Variants in CNTNAP5 observed in about 807,000 individuals in gnomAD.
CNTNAP5 encodes contactin-associated protein-like 5.
Under a neutral mutation model 150.2 loss-of-function variants are expected in CNTNAP5, and 72 were observed. That is an observed-to-expected ratio of 0.48 (90% CI 0.40 to 0.58). The LOEUF (loss-of-function observed/expected upper bound fraction) is 0.58, where lower values mean the gene tolerates loss of function less well. CNTNAP5 is among the 20% of genes least tolerant of loss of function. The pLI is 0.00. For missense variants in CNTNAP5, 1,636 were observed against 1,626.2 expected (o/e 1.01, Z -0.10); for synonymous variants, 672 against 619.8 (o/e 1.08, Z -1.25).
At chr2:124,513,995 A>G (rs1694651068) in intron 8 of CNTNAP5, among the ~76,000 whole-genome samples, 1 of 152,208 alleles carries the variant, frequency 6.6e-6, no homozygotes. Flanking sequence ...TTAAGTTGTC[A>G]TTAATGCCTC....
At chr2:124,707,039 A>AAGAAGAAGAAGGAGG (rs1553433616) in intron 13 of CNTNAP5, among the ~76,000 whole-genome samples, 3 of 82,010 alleles carry the variant, frequency 3.7e-5, no homozygotes, top group Non-Finnish European at 7.6e-5. Flanking sequence ...GAAGAAGAAG[A>AAGAAGAAGAAGGAGG]AGGAGGAGGA....
At chr2:124,539,903 C>T (rs1251956468) in intron 10 of CNTNAP5, among the ~76,000 whole-genome samples, 2 of 152,150 alleles carry the variant, frequency 1.3e-5, no homozygotes, top group African/African-American at 4.8e-5. Flanking sequence ...GGTTTAGCTT[C>T]ATCTTAAAAA....
intron 13 of CNTNAP5, among the ~76,000 whole-genome samples, chr2:124,659,372 A>G (rs1482094853): frequency 6.6e-6 from 1 of 152,164 alleles, no homozygotes; most frequent in East Asian, 1.9e-4. Context: ...GAAGCTTCCT[A>G]AAACTGGTAA....
At chr2:124,707,194 A>AGAAGAAGAG (rs1679706946) in intron 13 of CNTNAP5, among the ~76,000 whole-genome samples, 2 of 146,542 alleles carry the variant, frequency 1.4e-5, no homozygotes, top group African/African-American at 2.5e-5. Flanking sequence ...AAGAAGAAGA[A>AGAAGAAGAG]GAAGAAGAAG....
At chr2:124,865,747 C>T (rs1573672727) in intron 20 of CNTNAP5, among the ~76,000 whole-genome samples, 1 of 151,328 alleles carries the variant, frequency 6.6e-6, no homozygotes, top group African/African-American at 2.4e-5. Flanking sequence ...AGTTCGAGAC[C>T]AGCCTGGCCA....
At chr2:124,337,076 G>A (rs375929989) in intron 3 of CNTNAP5, among the ~76,000 whole-genome samples, 1 of 152,266 alleles carries the variant, frequency 6.6e-6, no homozygotes, top group East Asian at 1.9e-4. Flanking sequence ...TTTAACTGGT[G>A]TGAGATGGTA....
intron 7 of CNTNAP5, among the ~76,000 whole-genome samples, chr2:124,490,513 A>T (rs1308959626): frequency 6.6e-6 from 1 of 152,152 alleles, no homozygotes; most frequent in Non-Finnish European, 1.5e-5. Context: ...AATCTCTTTG[A>T]ACAATAAAGA....
intron 8 of CNTNAP5, among the ~76,000 whole-genome samples, chr2:124,518,849 C>T (rs12465931): frequency 0.47 from 71,439 of 151,238 alleles, 16,967 homozygotes; most frequent in Middle Eastern, 0.58. Context: ...ATTACCCTGG[C>T]GTGGTGGCGG....
Position 124,707,135 on chromosome 2 carries a change from G to GA in CNTNAP5, c.2078-40092dup, listed in dbSNP as rs1558743711. Among the ~76,000 whole-genome samples the GA allele has an allele frequency of 1.5e-4, 14 of 91,772 alleles. 1 individual carries two copies. Among genetic ancestry groups the GA allele is most frequent in the African/African-American group, 5.4e-4 (14 of 25,758 alleles). The allele number at this position is 91,772 out of a possible 152,430, so 60.2% of individuals were successfully genotyped here. A position where few individuals can be genotyped will look rare whatever the true frequency, so the allele number is the denominator to read the frequency against. On this transcript the variant is annotated intron_variant, in intron 13 of 23. Coordinates refer to ENST00000682447, the MANE Select transcript of CNTNAP5 (RefSeq NM_001367498.1). Reference sequence around the variant, plus strand: ...GAGGAAGAAGAAGAAAGAAGAAGAAGAAGAGGAAGAAGAAGAAGAAGAAGA... The same window carrying GA: ...GAGGAAGAAGAAGAAAGAAGAAGAAGAAAGAGGAAGAAGAAGAAGAAGAAGA...
In CNTNAP5 at chr2:124,511,544, C is replaced by T. The variant is rs1694589792; in HGVS notation, c.1327+6988C>T. On this transcript the variant is annotated intron_variant, in intron 8 of 23. Coordinates refer to ENST00000682447, the MANE Select transcript of CNTNAP5 (RefSeq NM_001367498.1). The stretch of plus-strand genomic sequence containing the variant: ...TGAGTAAGTCTTGTTCCGTTAGCCT[C>T]ACTGTCCTCATTTGCTGAAGGAGAG... Among the ~76,000 whole-genome samples, 3 of 152,222 alleles carry T rather than the reference C, an allele frequency of 2.0e-5. No homozygotes were observed. In the South Asian group the frequency reaches 6.2e-4, roughly 32 times the overall value.
Position 124,921,134 on chromosome 2 carries a change from T to C in CNTNAP5, c.*6846T>C, listed in dbSNP as rs1374078593. Reference sequence around the variant, plus strand: ...CCTTAGATTTCTTTGTTTTCTATGGTTATTGTTGTACAGAAGAAAGACAAA... The same window carrying C: ...CCTTAGATTTCTTTGTTTTCTATGGCTATTGTTGTACAGAAGAAAGACAAA... On this transcript the variant is annotated 3_prime_UTR_variant, in exon 24 of 24. Coordinates refer to ENST00000682447, the MANE Select transcript of CNTNAP5 (RefSeq NM_001367498.1). Among the ~76,000 whole-genome samples the C allele has an allele frequency of 1.3e-5, 2 of 152,164 alleles. No homozygotes were observed. The highest frequency in any genetic ancestry group is 1.5e-5 in the Non-Finnish European group (1 of 68,018).
intron 13 of CNTNAP5, among the ~76,000 whole-genome samples, chr2:124,656,689 ATTAT>A (rs1389237539): frequency 2.0e-5 from 3 of 152,334 alleles, no homozygotes; most frequent in African/African-American, 7.2e-5. Flanking sequence ...CAGACCATGA[ATTAT>A]TTAAATAATC....
chr2:124,289,590 C>T (rs1008890478), intron 3 of CNTNAP5, among the ~76,000 whole-genome samples: 7 of 152,132 alleles, frequency 4.6e-5, no homozygotes, highest in Non-Finnish European at 8.8e-5. Context: ...CATTTATAAC[C>T]AATTACCACT....
intron 3 of CNTNAP5, among the ~76,000 whole-genome samples, chr2:124,327,869 G>T (rs13406230): frequency 0.055 from 8,418 of 152,156 alleles, 303 homozygotes; most frequent in African/African-American, 0.081. Flanking sequence ...TCTTCAGACT[G>T]TGTTAAGGAC....
chr2:124,901,439 T>C (rs1678411461), intron 21 of CNTNAP5, among the ~76,000 whole-genome samples: 1 of 147,516 alleles, frequency 6.8e-6, no homozygotes, highest in South Asian at 2.1e-4. Flanking sequence ...TTGAAGTAAG[T>C]ATGAAAGAAA....
chr2:124,335,732 G>C (rs1325135250), intron 3 of CNTNAP5, among the ~76,000 whole-genome samples: 1 of 151,846 alleles, frequency 6.6e-6, no homozygotes, highest in Non-Finnish European at 1.5e-5. Flanking sequence ...GAGGCTGACT[G>C]GTAAAGGTCT....
At chr2:124,636,477 A>G (rs2105014856) in intron 12 of CNTNAP5, among the ~76,000 whole-genome samples, 1 of 152,316 alleles carries the variant, frequency 6.6e-6, no homozygotes, top group African/African-American at 2.4e-5. Flanking sequence ...ACCTGACACA[A>G]TGAAAGCACT....
chr2:124,398,585 C>T (rs1691322253), intron 3 of CNTNAP5, among the ~76,000 whole-genome samples: 2 of 152,080 alleles, frequency 1.3e-5, no homozygotes, highest in South Asian at 4.1e-4. Context: ...CAACCTCTGC[C>T]TCCCAGGTTC....
intron 7 of CNTNAP5, among the ~76,000 whole-genome samples, chr2:124,477,336 G>C (rs1012017125): frequency 6.6e-6 from 1 of 151,874 alleles, no homozygotes; most frequent in African/African-American, 2.4e-5. Context: ...TTTGTGTTTT[G>C]AGGTATCATA....
Sources: allele counts gnomAD v4.1 joint callset (sites outside exome capture counted in the v4.1 genomes callset), GRCh38; gene constraint gnomAD v4.1.1; transcripts MANE v1.5; gene names NCBI Gene and HGNC (gene_info 2026-07-23, HGNC 2026-07-21).